The following XKR4 variants were observed in gnomAD, a reference collection of about 807,000 sequenced individuals.
XKR4 encodes XK related 4.
In XKR4, 12 loss-of-function variants were observed where a neutral mutation model predicts 53.9. That is an observed-to-expected ratio of 0.22 (90% confidence interval 0.14 to 0.36). The LOEUF is 0.36. Ranked by LOEUF, XKR4 falls within the 10% of genes least tolerant of loss-of-function variation. The pLI is 1.00. For missense variants in XKR4, 799 were observed against 859.5 expected, an observed-to-expected ratio of 0.93 and a Z score of 0.88; for synonymous variants, 354 against 362.4, an observed-to-expected ratio of 0.98 and a Z score of 0.26.
chr8:55,209,470 T>C (rs111713683), intron 1 of XKR4, among the ~76,000 whole-genome samples: 11 of 152,162 alleles, frequency 7.2e-5, no homozygotes, highest in African/African-American at 1.2e-4. Context: ...ACGCTGTGCA[T>C]CCTCCACCTG....
rs1377781749 is a variant in XKR4, at chr8:55,529,122, T to C, written c.*4895T>C. The C allele has an allele frequency of 6.6e-6, 1 of 151,512 alleles. No individual in the cohort carries two copies. The highest frequency in any genetic ancestry group is 6.6e-5 in the Admixed American group (1 of 15,168). 9.4% of individuals were successfully genotyped at this position (151,512 alleles called of 1,614,324 possible). A position where few individuals can be genotyped will look rare whatever the true frequency, so the allele number is the denominator to read the frequency against. ...AAACTGCAGAATATGGGTGGAATTG[T>C]ATAAAAACATAATGAGCCATTTAAT... is the stretch of plus-strand genomic sequence containing the variant. On this transcript the variant is annotated 3_prime_UTR_variant, in exon 3 of 3. Coordinates refer to ENST00000327381, the MANE Select transcript of XKR4 (RefSeq NM_052898.2).
chr8:55,315,824 T>C (rs1819465550), intron 1 of XKR4, among the ~76,000 whole-genome samples: 3 of 152,182 alleles, frequency 2.0e-5, no homozygotes, highest in Admixed American at 2.0e-4. Flanking sequence ...TAATGCACTT[T>C]CCATATTTTC....
chr8:55,452,065 TG>T (rs1563354019), intron 2 of XKR4: 2 of 704,468 alleles, frequency 2.8e-6, no homozygotes, highest in African/African-American at 3.5e-5. Flanking sequence ...TTGTTCTTGG[TG>T]ACTCGGGGTG....
At chr8:55,253,269 C>T (rs1818385664) in intron 1 of XKR4, among the ~76,000 whole-genome samples, 1 of 152,188 alleles carries the variant, frequency 6.6e-6, no homozygotes, top group South Asian at 2.1e-4. Flanking sequence ...AAACTTTTCA[C>T]CACCATGGAA....
At chr8:55,352,417 A>G (rs889586822) in intron 1 of XKR4, among the ~76,000 whole-genome samples, 6 of 152,210 alleles carry the variant, frequency 3.9e-5, no homozygotes, top group Non-Finnish European at 7.3e-5. Flanking sequence ...GTTAAAACTA[A>G]AAGTTTTAAA....
At chr8:55,291,381 TTGTCTA>T (rs748343517) in intron 1 of XKR4, among the ~76,000 whole-genome samples, 1 of 152,220 alleles carries the variant, frequency 6.6e-6, no homozygotes, top group Non-Finnish European at 1.5e-5. Context: ...TAGAACAATC[TTGTCTA>T]TGTCTACAAA....
intron 2 of XKR4, among the ~76,000 whole-genome samples, chr8:55,400,543 G>A (rs1335496429): frequency 6.6e-6 from 1 of 152,140 alleles, no homozygotes; most frequent in East Asian, 1.9e-4. Flanking sequence ...GAATCCCCAT[G>A]GGGCGGTAAT....
In XKR4 at chr8:55,493,074, T is replaced by C. The variant is rs144395146; in HGVS notation, c.1007-30207T>C. 4.6e-5 allele frequency among the ~76,000 whole-genome samples: 7 copies of C among 152,268 alleles called. No individual in the cohort carries two copies. In the East Asian group the frequency reaches 1.3e-3, roughly 29 times the overall value. ...ATCCACAGTGGACTCTAGAGGATAGTGTGGGCCAAGTGGATATAGTATTGG... is the reference window on the plus strand; with the variant it reads ...ATCCACAGTGGACTCTAGAGGATAGCGTGGGCCAAGTGGATATAGTATTGG... On this transcript the variant is annotated intron_variant, in intron 2 of 2. Coordinates refer to ENST00000327381, the MANE Select transcript of XKR4 (RefSeq NM_052898.2).
chr8:55,210,122 T>C (rs1817711507), intron 1 of XKR4, among the ~76,000 whole-genome samples: 2 of 151,238 alleles, frequency 1.3e-5, no homozygotes, highest in African/African-American at 4.9e-5. Context: ...TTCGCTTTTG[T>C]TGCCCAGGCT....
intron 2 of XKR4, chr8:55,454,991 C>G: frequency 1.2e-6 from 1 of 851,810 alleles, no homozygotes; most frequent in South Asian, 1.4e-5. Flanking sequence ...CATCTGCCAC[C>G]CGCTGGACTG....
chr8:55,465,599 C>T (rs1318830401), intron 2 of XKR4, among the ~76,000 whole-genome samples: 13 of 151,592 alleles, frequency 8.6e-5, no homozygotes, highest in African/African-American at 2.7e-4. Context: ...GTCTAAAACA[C>T]CAAAAGCAAT....
chr8:55,454,695 C>A, intron 2 of XKR4: 1 of 875,974 alleles, frequency 1.1e-6, no homozygotes, highest in Non-Finnish European at 1.9e-6. Context: ...TCAGGCCCTC[C>A]ACGTGGACGG....
At chr8:55,416,746 C>G (rs1365712141) in intron 2 of XKR4, among the ~76,000 whole-genome samples, 2 of 152,168 alleles carry the variant, frequency 1.3e-5, no homozygotes, top group South Asian at 4.1e-4. Context: ...CCAAAAGCTT[C>G]CAATCTGATT....
In XKR4 at chr8:55,208,071, A is replaced by G. The variant is rs138530313; in HGVS notation, c.806+104777A>G. On this transcript the variant is annotated intron_variant, in intron 1 of 2. Coordinates refer to ENST00000327381, the MANE Select transcript of XKR4 (RefSeq NM_052898.2). ...ATTATTATGTTTATTGTGTATATTTAAGGTGCACATCATGATGTTTTGACA... is the reference window on the plus strand; with the variant it reads ...ATTATTATGTTTATTGTGTATATTTGAGGTGCACATCATGATGTTTTGACA... 3.6e-3 allele frequency among the ~76,000 whole-genome samples: 549 copies of G among 152,318 alleles called. 1 individual carries two copies. The highest frequency in any genetic ancestry group is 6.8e-3 in the Middle Eastern group (2 of 294).
chr8:55,449,755 G>T lies in XKR4; in HGVS notation c.1007-73526G>T, dbSNP rs540227862. 2.0e-4 allele frequency: 208 copies of T among 1,031,048 alleles called. 1 individual carries two copies. In the African/African-American group the frequency reaches 3.1e-3, roughly 15 times the overall value. 63.9% of individuals were successfully genotyped at this position (1,031,048 alleles called of 1,614,324 possible). A position where few individuals can be genotyped will look rare whatever the true frequency, so the allele number is the denominator to read the frequency against. On this transcript the variant is annotated intron_variant, in intron 2 of 2. Transcript: ENST00000327381. ...GGTCGTAGTAGCGTAGCTGGTGCTT[G>T]GTCTTGTCTAACATGAACCAGCGGG...
chr8:55,350,081 G>A (rs922220156), intron 1 of XKR4, among the ~76,000 whole-genome samples: 17 of 152,024 alleles, frequency 1.1e-4, no homozygotes, highest in African/African-American at 3.1e-4. Flanking sequence ...ATTTTAACCT[G>A]CCTTTTGCCT....
At chr8:55,107,434 G>A (rs923289292) in intron 1 of XKR4, among the ~76,000 whole-genome samples, 1 of 152,178 alleles carries the variant, frequency 6.6e-6, no homozygotes, top group African/African-American at 2.4e-5. Context: ...GGATGGCAAA[G>A]TGGGAAAGGG....
intron 2 of XKR4, chr8:55,452,187 C>T: frequency 2.8e-6 from 2 of 722,112 alleles, no homozygotes; most frequent in Non-Finnish European, 4.7e-6. Flanking sequence ...ACTGTCAGAC[C>T]CCACCTCCTC....
chr8:55,157,430 CTT>C (rs1303459558), intron 1 of XKR4, among the ~76,000 whole-genome samples: 1 of 151,926 alleles, frequency 6.6e-6, no homozygotes, highest in Non-Finnish European at 1.5e-5. Context: ...TATTTCAACT[CTT>C]AATGTGTGCT....
Sources: allele counts gnomAD v4.1 joint callset (sites outside exome capture counted in the v4.1 genomes callset), GRCh38; gene constraint gnomAD v4.1.1; transcripts MANE v1.5; gene names NCBI Gene and HGNC (gene_info 2026-07-23, HGNC 2026-07-21).